The following AGXT2 variants were observed in gnomAD, a reference collection of about 807,000 sequenced individuals.
The protein encoded by AGXT2 is alanine--glyoxylate aminotransferase 2, mitochondrial.
A neutral mutation model predicts 62.5 loss-of-function variants in AGXT2; 61 were observed. That is an observed-to-expected ratio of 0.98 (90% CI 0.79 to 1.21). The LOEUF (loss-of-function observed/expected upper bound fraction) is 1.21, where lower values mean the gene tolerates loss of function less well. Ranked by LOEUF, AGXT2 falls within the 50% of genes most tolerant of loss-of-function variation. AGXT2 has a pLI of 0.00. For synonymous variants in AGXT2, 243 were observed against 218.7 expected, an observed-to-expected ratio of 1.11 and a Z score of -0.98; for missense variants, 666 against 641.5, an observed-to-expected ratio of 1.04 and a Z score of -0.41.
intron 7 of AGXT2, among the ~76,000 whole-genome samples, 176 bp from the exon 8 acceptor site, chr5:35,026,686 G>A (rs1767367161): frequency 6.6e-6 from 1 of 151,992 alleles, no homozygotes; most frequent in African/African-American, 2.4e-5. Flanking sequence ...AAGGGGGAAT[G>A]TTCTCTCTGA....
At chr5:35,021,535 A>G (rs191679549) in intron 9 of AGXT2, among the ~76,000 whole-genome samples, 26,281 of 148,834 alleles carry the variant, frequency 0.18, 2,456 homozygotes, top group East Asian at 0.41. Context: ...GAAAGCTGAA[A>G]CTGGATCCCT....
chr5:34,998,749 T>A lies in AGXT2; in HGVS notation c.1515A>T (p.Leu505Phe), dbSNP rs753925938. 2 of 1,613,792 alleles carry A rather than the reference T, an allele frequency of 1.2e-6. No individual in the cohort carries two copies. Among genetic ancestry groups the A allele is most frequent in the East Asian group, 4.5e-5 (2 of 44,896 alleles). ...TAGCTCTTCTTTCCATGTGTTGGGTTAAGGCAGAACGAAATACTTCTACTG... is the reference window on the plus strand; with the variant it reads ...TAGCTCTTCTTTCCATGTGTTGGGTAAAGGCAGAACGAAATACTTCTACTG... ...DFAVEVFRSALTQHMERRAK is the reference protein window; with the variant it reads ...DFAVEVFRSAFTQHMERRAK Residue 505 changes from leucine to phenylalanine, a missense_variant, in exon 14 of 14, where the codon TTA (leucine) becomes TTT (phenylalanine). By Grantham distance (22) the Leu-to-Phe change is conservative (BLOSUM62 0). Coordinates refer to ENST00000231420, the MANE Select transcript of AGXT2 (RefSeq NM_031900.4).
At chr5:35,005,341 G>A (rs1030733597) in intron 12 of AGXT2, among the ~76,000 whole-genome samples, 3 of 152,158 alleles carry the variant, frequency 2.0e-5, no homozygotes, top group African/African-American at 7.2e-5. Flanking sequence ...TGATTCGCCT[G>A]CCTCAGCCTC....
At chr5:35,009,566 C>T (rs1393240829) in intron 12 of AGXT2, among the ~76,000 whole-genome samples, 1 of 152,090 alleles carries the variant, frequency 6.6e-6, no homozygotes, top group Non-Finnish European at 1.5e-5. Flanking sequence ...ACTGCACTCC[C>T]AGCCTGGGTG....
chr5:35,039,440 G>C lies in AGXT2; in HGVS notation c.246C>G (p.Phe82Leu). ...EHLSPVVTAY[F>L]QKPLLLHQGH... ...CCTGGTGGAGCAGCAGGGGTTTCTG[G>C]AAATATGCCGTCACCACAGGAGAAA... is the stretch of plus-strand genomic sequence containing the variant. Residue 82 changes from phenylalanine to leucine, a missense_variant, in exon 3 of 14, where the codon TTC (phenylalanine) becomes TTG (leucine). By Grantham distance (22) the Phe-to-Leu change is conservative. Coordinates refer to ENST00000231420, the MANE Select transcript of AGXT2 (RefSeq NM_031900.4). 8 of 1,614,126 alleles carry C rather than the reference G, an allele frequency of 5.0e-6. No individual in the cohort carries two copies. Among genetic ancestry groups the C allele is most frequent in the Non-Finnish European group, 6.8e-6 (8 of 1,179,982 alleles).
intron 6 of AGXT2, 39 bp downstream of exon 6, chr5:35,033,421 C>T (rs2291701): frequency 0.3 from 433,752 of 1,443,998 alleles, 69,854 homozygotes; most frequent in Non-Finnish European, 0.33. Context: ...ACATACCCAG[C>T]AGTCTTTAAA....
chr5:35,045,605 T>C (rs145012248), intron 1 of AGXT2, among the ~76,000 whole-genome samples: 1 of 152,220 alleles, frequency 6.6e-6, no homozygotes, highest in East Asian at 1.9e-4. Context: ...AATAAATGTA[T>C]GTTAGTGAGT....
In AGXT2 at chr5:35,010,075, C is replaced by G; in HGVS notation, c.1263G>C (p.Leu421=). 1 of 1,614,244 alleles carries G rather than the reference C, an allele frequency of 6.2e-7. No homozygotes were observed. Among genetic ancestry groups the G allele is most frequent in the Non-Finnish European group, 8.5e-7 (1 of 1,180,044 alleles). ...CTCCAACAATTTCAAATTCATCCCG[C>G]AGCTTAGCAAACTTTAGTAACATGT... ...GTYMLLKFAK[L]RDEFEIVGDV... Residue 421 remains leucine (L), a synonymous_variant, in exon 12 of 14, where the codon CTG becomes CTC. Coordinates refer to ENST00000231420, the MANE Select transcript of AGXT2 (RefSeq NM_031900.4).
chr5:35,025,260 C>G (rs1767287170), intron 9 of AGXT2, among the ~76,000 whole-genome samples: 1 of 152,236 alleles, frequency 6.6e-6, no homozygotes, highest in African/African-American at 2.4e-5. Context: ...CCTGTGGTCC[C>G]AGCTACTCGG....
At chr5:35,024,160 T>C (rs1261658404) in intron 9 of AGXT2, among the ~76,000 whole-genome samples, 1 of 152,126 alleles carries the variant, frequency 6.6e-6, no homozygotes, top group African/African-American at 2.4e-5. Flanking sequence ...CCCAAAGTGC[T>C]GGGATGACAG....
rs61052930 is a variant in AGXT2, at chr5:35,014,452, C to CAAA, written c.964-336_964-334dup. Among the ~76,000 whole-genome samples, 783 of 86,176 alleles carry CAAA rather than the reference C, an allele frequency of 9.1e-3. 19 individuals carry two copies. The highest frequency in any genetic ancestry group is 0.016 in the East Asian group (44 of 2,674). The allele number at this position is 86,176 out of a possible 152,430, so 56.5% of individuals were successfully genotyped here. ...TGAGTGACAGGGTGAGACTCCATCT[C>CAAA]AAAAAAAAAAAAAAAAAAAAGAAAT... On this transcript the variant is annotated intron_variant, in intron 9 of 13. Transcript: ENST00000231420.
At chr5:35,029,943 G>A (rs970600886) in intron 7 of AGXT2, among the ~76,000 whole-genome samples, 5 of 152,192 alleles carry the variant, frequency 3.3e-5, no homozygotes, top group African/African-American at 1.2e-4. Flanking sequence ...TTTCTGAGAT[G>A]AGAAAAATCT....
At chr5:35,023,942 G>A (rs1234157216) in intron 9 of AGXT2, among the ~76,000 whole-genome samples, 1 of 151,842 alleles carries the variant, frequency 6.6e-6, no homozygotes, top group African/African-American at 2.4e-5. Context: ...TGCCCAGGCT[G>A]GAGTGCAATG....
chr5:35,011,940 A>G (rs1250734524), intron 11 of AGXT2, among the ~76,000 whole-genome samples: 1 of 151,790 alleles, frequency 6.6e-6, no homozygotes, highest in Non-Finnish European at 1.5e-5. Flanking sequence ...ACACACACAC[A>G]CACACACACA....
chr5:35,037,789 T>C (rs1304331984), intron 3 of AGXT2, among the ~76,000 whole-genome samples: 1 of 152,230 alleles, frequency 6.6e-6, no homozygotes, highest in Non-Finnish European at 1.5e-5. Context: ...ATGAATATTT[T>C]GTAACTATAA....
intron 1 of AGXT2, 104 bp from the exon 2 acceptor site, chr5:35,040,767 C>G: frequency 1.1e-6 from 1 of 921,622 alleles, no homozygotes; most frequent in Non-Finnish European, 1.8e-6. Flanking sequence ...AATTTTATTT[C>G]TTAGTTAAAA....
chr5:35,012,838 T>C (rs1766695646), intron 11 of AGXT2, 116 bp downstream of exon 11: 1 of 972,650 alleles, frequency 1.0e-6, no homozygotes, highest in African/African-American at 1.6e-5. Flanking sequence ...ATGGATAAAC[T>C]ATGAATTAAC....
In AGXT2 at chr5:35,000,868, T is replaced by C. The variant is rs572295111; in HGVS notation, c.1438-2042A>G. On this transcript the variant is annotated intron_variant, in intron 13 of 13. Coordinates refer to ENST00000231420, the MANE Select transcript of AGXT2 (RefSeq NM_031900.4). ...TCTACAGATGGTCCCTGACAGAATA[T>C]TTTTGACTTTACAATGATGGGAAAG... Among the ~76,000 whole-genome samples, 13 of 152,326 alleles carry C rather than the reference T, an allele frequency of 8.5e-5. No individual in the cohort carries two copies. The South Asian group carries it at 2.7e-3, about 32-fold the overall frequency.
chr5:35,006,822 C>T (rs960556206), intron 12 of AGXT2, among the ~76,000 whole-genome samples: 2 of 152,108 alleles, frequency 1.3e-5, no homozygotes, highest in Non-Finnish European at 2.9e-5. Flanking sequence ...TAGCAAAGTT[C>T]TTGGGTATTA....
Sources: allele counts gnomAD v4.1 joint callset (sites outside exome capture counted in the v4.1 genomes callset), GRCh38; gene constraint gnomAD v4.1.1; transcripts MANE v1.5; gene names NCBI Gene and HGNC (gene_info 2026-07-23, HGNC 2026-07-21).